ANKS1A: variants seen among roughly 807,000 people sequenced by gnomAD.
The protein encoded by ANKS1A is ankyrin repeat and sterile alpha motif domain containing 1A.
Under a neutral mutation model 120.3 loss-of-function variants are expected in ANKS1A, and 55 were observed. That is an observed-to-expected ratio of 0.46 (90% CI 0.37 to 0.57). The LOEUF (loss-of-function observed/expected upper bound fraction) is 0.57. Among genes scored for constraint, ANKS1A ranks in the 20% least tolerant of loss-of-function variants. The pLI, the probability that ANKS1A is intolerant of heterozygous loss-of-function variation, is 0.00. For synonymous variants in ANKS1A, 590 were observed against 604.7 expected (o/e 0.98, Z 0.36); for missense variants, 1,123 against 1,480.3 (o/e 0.76, Z 3.96).
At chr6:34,932,241 G>C (rs1295862598) in intron 1 of ANKS1A, among the ~76,000 whole-genome samples, 1 of 152,212 alleles carries the variant, frequency 6.6e-6, no homozygotes, top group East Asian at 1.9e-4. Context: ...CTGGAGTACA[G>C]TGGTGTGCGT....
At chr6:34,987,482 G>C (rs1264105696) in intron 8 of ANKS1A, among the ~76,000 whole-genome samples, 1 of 151,952 alleles carries the variant, frequency 6.6e-6, no homozygotes, top group Admixed American at 6.6e-5. Flanking sequence ...TCCTTTTGCT[G>C]TTCCCTTCCT....
intron 1 of ANKS1A, among the ~76,000 whole-genome samples, chr6:34,946,801 A>T (rs753615065): frequency 1.2e-4 from 19 of 152,234 alleles, no homozygotes; most frequent in African/African-American, 4.6e-4. Context: ...AGAAATATCA[A>T]TACAACTTTT....
intron 1 of ANKS1A, among the ~76,000 whole-genome samples, chr6:34,953,502 C>T (rs2127494986): frequency 6.6e-6 from 1 of 152,282 alleles, no homozygotes; most frequent in South Asian, 2.1e-4. Flanking sequence ...TTTAAAAAAT[C>T]AACCAGGCTC....
At chr6:34,940,266 G>C (rs1427182481) in intron 1 of ANKS1A, among the ~76,000 whole-genome samples, 4 of 152,198 alleles carry the variant, frequency 2.6e-5, no homozygotes, top group African/African-American at 9.7e-5. Flanking sequence ...ACTTTGTGTT[G>C]ACTGATGTAG....
At chr6:34,973,885 T>TC (rs1306140579) in intron 3 of ANKS1A, among the ~76,000 whole-genome samples, 3 of 40,632 alleles carry the variant, frequency 7.4e-5, no homozygotes, top group Admixed American at 5.3e-4. Context: ...CCCTTCCCCT[T>TC]CACTTCCCCT....
At chr6:34,896,854 C>T (rs1322113014) in intron 1 of ANKS1A, among the ~76,000 whole-genome samples, 1 of 152,056 alleles carries the variant, frequency 6.6e-6, no homozygotes, top group Non-Finnish European at 1.5e-5. Flanking sequence ...ATCCCAGCTA[C>T]TTGGGAGGCT....
intron 11 of ANKS1A, among the ~76,000 whole-genome samples, chr6:35,027,613 C>T (rs556150083): frequency 6.6e-6 from 1 of 152,226 alleles, no homozygotes; most frequent in African/African-American, 2.4e-5. Context: ...TAATCTGGAC[C>T]TCATTTGCAC....
intron 8 of ANKS1A, among the ~76,000 whole-genome samples, chr6:34,986,839 C>A (rs184248803): frequency 6.6e-6 from 1 of 152,350 alleles, no homozygotes; most frequent in African/African-American, 2.4e-5. Flanking sequence ...CTATAGACAG[C>A]TAGTTATTTC....
chr6:34,987,890 G>A (rs973963271), intron 8 of ANKS1A, among the ~76,000 whole-genome samples: 3 of 152,222 alleles, frequency 2.0e-5, no homozygotes, highest in South Asian at 4.1e-4. Flanking sequence ...GAACCTGCAG[G>A]ACAGCTCTTG....
At chr6:35,048,597 GA>G (rs1024539305) in intron 11 of ANKS1A, among the ~76,000 whole-genome samples, 50 of 151,940 alleles carry the variant, frequency 3.3e-4, no homozygotes, top group South Asian at 1.2e-3. Context: ...GGAGGAGAAG[GA>G]AAAAAAATCA....
In ANKS1A at chr6:34,889,282, G is replaced by T. The variant is rs139365554; in HGVS notation, c.-121G>T. 1 of 1,202,554 alleles carries T rather than the reference G, an allele frequency of 8.3e-7. No individual in the cohort carries two copies. The highest frequency in any genetic ancestry group is 1.0e-6 in the Non-Finnish European group (1 of 965,212). The allele number at this position is 1,202,554 out of a possible 1,614,324, so 74.5% of individuals were successfully genotyped here. ...TGACGCGCTCGTGGGGAAAAGGCAG[G>T]GAGGGGGTGGTGTCCCCAGCCGGTT... On this transcript the variant is annotated 5_prime_UTR_variant, in exon 1 of 24. Transcript: ENST00000360359. The surrounding 1 kb of genome is among the most constrained non-coding windows in gnomAD (Gnocchi z 5.5).
In ANKS1A at chr6:35,060,323, C is replaced by A; in HGVS notation, c.2184+70C>A. ...GAAACAGGCCTCCCTGGCCTCCCCT[C>A]TGGCCCCACAGGAGTCTGCAACAGT... On this transcript the variant is annotated intron_variant, in intron 13 of 23. Transcript: ENST00000360359. This position sits in a 1 kb window ranked among gnomAD's most constrained non-coding sequence, Gnocchi z 4.5. 1 of 1,374,954 alleles carries A rather than the reference C, an allele frequency of 7.3e-7. No homozygotes were observed. The highest frequency in any genetic ancestry group is 1.0e-6 in the Non-Finnish European group (1 of 984,686). 85.2% of individuals were successfully genotyped at this position (1,374,954 alleles called of 1,614,324 possible). A position where few individuals can be genotyped will look rare whatever the true frequency, so the allele number is the denominator to read the frequency against.
chr6:35,024,957 T>C (rs1328231879), intron 11 of ANKS1A, among the ~76,000 whole-genome samples: 2 of 152,138 alleles, frequency 1.3e-5, no homozygotes, highest in East Asian at 1.9e-4. Context: ...GTGTAGTCTT[T>C]TGTGCTGAGC....
Position 34,889,542 on chromosome 6 carries a change from GCGGCGGCGGCGGCGGCGGCCT to G in ANKS1A, c.145_165del (p.Gly49_Gly55del). On this transcript the variant is annotated inframe_deletion, in exon 1 of 24. Transcript: ENST00000360359. This position sits in a 1 kb window ranked among gnomAD's most constrained non-coding sequence, Gnocchi z 5.5. ...GGCTCTGGGGGCGGCGGCGGCGGCA[GCGGCGGCGGCGGCGGCGGCCT>G]CGGCTCTTCCAGCCACCCCCTCTCC... The G allele has an allele frequency of 8.2e-7, 1 of 1,226,398 alleles. No individual in the cohort carries two copies. The highest frequency in any genetic ancestry group is 1.0e-6 in the Non-Finnish European group (1 of 985,466). The allele number at this position is 1,226,398 out of a possible 1,614,324, so 76.0% of individuals were successfully genotyped here.
intron 11 of ANKS1A, among the ~76,000 whole-genome samples, chr6:35,020,554 T>C: frequency 6.6e-6 from 1 of 152,208 alleles, no homozygotes; most frequent in Non-Finnish European, 1.5e-5. Flanking sequence ...TCACCTCTTC[T>C]TTATGGCTCC....
intron 7 of ANKS1A, among the ~76,000 whole-genome samples, 169 bp downstream of exon 7, chr6:34,983,594 C>A (rs1267509300): frequency 1.3e-5 from 2 of 152,072 alleles, no homozygotes; most frequent in Admixed American, 1.3e-4. Context: ...TTTTATTGGA[C>A]ATAGTTTATG....
chr6:34,967,803 A>G (rs1258598234), intron 2 of ANKS1A, among the ~76,000 whole-genome samples: 3 of 152,070 alleles, frequency 2.0e-5, no homozygotes, highest in Admixed American at 6.6e-5. Context: ...TCTTTCATGT[A>G]TAATTTAAAC....
intron 16 of ANKS1A, 59 bp from the exon 17 acceptor site, chr6:35,080,935 C>G: frequency 6.4e-7 from 1 of 1,574,322 alleles, no homozygotes; most frequent in South Asian, 1.2e-5. Flanking sequence ...CTGGCTGATA[C>G]CTGTAGTCGG....
intron 1 of ANKS1A, among the ~76,000 whole-genome samples, chr6:34,958,758 T>G (rs896928826): frequency 1.3e-5 from 2 of 152,192 alleles, no homozygotes; most frequent in African/African-American, 2.4e-5. Context: ...CAGGGGACAG[T>G]GAATTTGGAT....
Sources: allele counts gnomAD v4.1 joint callset (sites outside exome capture counted in the v4.1 genomes callset), GRCh38; gene constraint gnomAD v4.1.1; non-coding constraint Gnocchi (gnomAD v3.1); transcripts MANE v1.5; gene names NCBI Gene and HGNC (gene_info 2026-07-23, HGNC 2026-07-21).